Variants in MAGI2 observed in about 807,000 individuals in gnomAD.
MAGI2 encodes membrane-associated guanylate kinase, WW and PDZ domain-containing protein 2.
MAGI2 carries 35 observed loss-of-function variants against 133.3 expected under a neutral mutation model. The observed-to-expected ratio is 0.26, with a 90% CI of 0.20 to 0.35. The LOEUF is 0.35. MAGI2 is among the 10% of genes least tolerant of loss of function. MAGI2 has a pLI of 1.00. For missense variants in MAGI2, 1,636 were observed against 1,863.4 expected, an observed-to-expected ratio of 0.88 and a Z score of 2.25; for synonymous variants, 729 against 710.6, an observed-to-expected ratio of 1.03 and a Z score of -0.41.
At chr7:78,243,572 C>A (rs946871587) in intron 10 of MAGI2, among the ~76,000 whole-genome samples, 1 of 151,988 alleles carries the variant, frequency 6.6e-6, no homozygotes, top group African/African-American at 2.4e-5. Context: ...TCACTCAAAG[C>A]TATGATATAG....
chr7:78,797,506 CAG>C (rs1787712378), intron 2 of MAGI2, among the ~76,000 whole-genome samples: 1 of 151,766 alleles, frequency 6.6e-6, no homozygotes, highest in Non-Finnish European at 1.5e-5. Flanking sequence ...CTGCAACATC[CAG>C]TGTTTCTTTA....
intron 1 of MAGI2, among the ~76,000 whole-genome samples, chr7:79,279,202 G>A (rs1013042776): frequency 1.3e-5 from 2 of 151,986 alleles, no homozygotes; most frequent in East Asian, 1.9e-4. Flanking sequence ...TACAAAAAAC[G>A]TCCCTCACTT....
At chr7:78,497,887 G>A (rs1452296645) in intron 5 of MAGI2, among the ~76,000 whole-genome samples, 1 of 152,046 alleles carries the variant, frequency 6.6e-6, no homozygotes, top group African/African-American at 2.4e-5. Flanking sequence ...GGTGGGACCT[G>A]CCAGAGGAGA....
At chr7:79,362,190 G>A (rs1333016043) in intron 1 of MAGI2, among the ~76,000 whole-genome samples, 3 of 151,766 alleles carry the variant, frequency 2.0e-5, no homozygotes, top group Non-Finnish European at 2.9e-5. Flanking sequence ...AATAATAGGC[G>A]ATATCACCAT....
chr7:78,463,311 T>A (rs1470799646), intron 6 of MAGI2, among the ~76,000 whole-genome samples: 1 of 152,176 alleles, frequency 6.6e-6, no homozygotes, highest in Non-Finnish European at 1.5e-5. Context: ...GAAACATACA[T>A]AGTAGACAGT....
chr7:78,610,145 T>C (rs1427748904), intron 3 of MAGI2, among the ~76,000 whole-genome samples: 3 of 152,238 alleles, frequency 2.0e-5, no homozygotes, highest in Admixed American at 6.5e-5. Context: ...TGGATACTAA[T>C]TCAGAGCATA....
chr7:78,073,305 T>A (rs1814911188), intron 21 of MAGI2, among the ~76,000 whole-genome samples: 2 of 145,540 alleles, frequency 1.4e-5, no homozygotes, highest in South Asian at 4.2e-4. Context: ...ATTCACTGAT[T>A]GGCTGTTTCT....
intron 2 of MAGI2, among the ~76,000 whole-genome samples, chr7:78,716,670 T>C (rs79260922): frequency 0.01 from 1,592 of 152,328 alleles, 34 homozygotes; most frequent in South Asian, 0.044. Flanking sequence ...AATGTGTTTA[T>C]CATGTGTGCT....
At chr7:78,122,237 C>T (rs575169357) in intron 20 of MAGI2, among the ~76,000 whole-genome samples, 5 of 152,242 alleles carry the variant, frequency 3.3e-5, no homozygotes, top group African/African-American at 4.8e-5. Flanking sequence ...AGTATTTACA[C>T]TTATTACATA....
chr7:78,883,706 A>C (rs1121068), intron 2 of MAGI2, among the ~76,000 whole-genome samples: 92,809 of 151,860 alleles, frequency 0.61, 29,670 homozygotes, highest in Middle Eastern at 0.75. Flanking sequence ...GAGCCACACA[A>C]CTACAGCAAT....
chr7:78,467,962 T>C (rs958112208), intron 6 of MAGI2, among the ~76,000 whole-genome samples: 2 of 152,302 alleles, frequency 1.3e-5, no homozygotes, highest in African/African-American at 4.8e-5. Context: ...TAAATCTGGA[T>C]ATTTCTGGAG....
intron 1 of MAGI2, among the ~76,000 whole-genome samples, chr7:79,183,471 G>C (rs1490322522): frequency 6.6e-6 from 1 of 151,576 alleles, no homozygotes; most frequent in Non-Finnish European, 1.5e-5. Flanking sequence ...TAAAAAAATT[G>C]TTTTCTTATT....
intron 1 of MAGI2, among the ~76,000 whole-genome samples, chr7:79,263,619 G>A (rs902483112): frequency 5.9e-5 from 9 of 152,066 alleles, no homozygotes; most frequent in African/African-American, 2.2e-4. Context: ...CTGCAATCAT[G>A]AGACTTTTGG....
At chr7:79,045,749 G>C (rs981923758) in intron 1 of MAGI2, among the ~76,000 whole-genome samples, 2 of 152,038 alleles carry the variant, frequency 1.3e-5, no homozygotes, top group Admixed American at 1.3e-4. Flanking sequence ...CCAAGATCAC[G>C]CCACTGCACT....
intron 1 of MAGI2, among the ~76,000 whole-genome samples, chr7:79,150,329 A>G (rs978671500): frequency 6.6e-5 from 10 of 151,942 alleles, no homozygotes; most frequent in Admixed American, 2.0e-4. Flanking sequence ...AAAATAGCCA[A>G]TGTTAACATT....
chr7:78,848,775 A>C (rs78351699), intron 2 of MAGI2, among the ~76,000 whole-genome samples: 1 of 152,016 alleles, frequency 6.6e-6, no homozygotes, highest in Admixed American at 6.6e-5. Context: ...TCTCTGCCAA[A>C]ATATATCATC....
intron 9 of MAGI2, among the ~76,000 whole-genome samples, chr7:78,317,546 C>T (rs1407703920): frequency 2.0e-5 from 3 of 152,332 alleles, no homozygotes; most frequent in African/African-American, 7.2e-5. Flanking sequence ...GGGGAAGGCG[C>T]GGCTGTGGGC....
intron 21 of MAGI2, among the ~76,000 whole-genome samples, chr7:78,027,095 G>GT (rs780439516): frequency 7.9e-4 from 120 of 152,306 alleles, no homozygotes; most frequent in Non-Finnish European, 1.4e-3. Context: ...TCGGAATTGG[G>GT]TAATGTTCTA....
intron 2 of MAGI2, among the ~76,000 whole-genome samples, chr7:78,896,677 C>T (rs1313994077): frequency 6.6e-6 from 1 of 151,926 alleles, no homozygotes; most frequent in East Asian, 1.9e-4. Context: ...AAGCGATTCT[C>T]GTGCCTCAGC....
Sources: gnomAD v4.1 joint callset for allele counts (sites outside exome capture counted in the v4.1 genomes callset) on GRCh38, gnomAD v4.1.1 for gene constraint, MANE v1.5 for transcripts, NCBI Gene and HGNC (gene_info 2026-07-23, HGNC 2026-07-21) for gene names.